The following PRKCA variants were observed in gnomAD, a reference collection of about 807,000 sequenced individuals.
PRKCA encodes the protein protein kinase C alpha type.
A neutral mutation model predicts 87.0 loss-of-function variants in PRKCA; 27 were observed. The ratio of observed to expected loss-of-function variants is 0.31; its 90% confidence interval spans 0.23 to 0.43. The LOEUF (loss-of-function observed/expected upper bound fraction) is 0.43, where lower values mean the gene tolerates loss of function less well. Among genes scored for constraint, PRKCA ranks in the 20% least tolerant of loss-of-function variants. The probability of loss-of-function intolerance (pLI) is 1.00; values close to 1 mark genes in which losing one functional copy is unlikely to be tolerated. For synonymous variants in PRKCA, 329 were observed against 311.1 expected (o/e 1.06, Z -0.61); for missense variants, 518 against 852.3 (o/e 0.61, Z 4.88).
At chr17:66,330,691 G>GA (rs35250973) in intron 2 of PRKCA, among the ~76,000 whole-genome samples, 56 of 152,020 alleles carry the variant, frequency 3.7e-4, no homozygotes, top group Non-Finnish European at 6.9e-4. Flanking sequence ...ATGACTGTAG[G>GA]AAAAAGGTAT....
chr17:66,545,933 T>C (rs1968133301), intron 3 of PRKCA, among the ~76,000 whole-genome samples: 1 of 152,254 alleles, frequency 6.6e-6, no homozygotes, highest in African/African-American at 2.4e-5. Context: ...TTAATTTTGC[T>C]CTGAAATTTA....
chr17:66,499,398 G>C (rs1308929720), intron 3 of PRKCA, among the ~76,000 whole-genome samples: 1 of 152,152 alleles, frequency 6.6e-6, no homozygotes, highest in Non-Finnish European at 1.5e-5. Flanking sequence ...CTCTGTGTTT[G>C]TTATGAATTC....
At chr17:66,405,407 A>T (rs1555599276) in intron 2 of PRKCA, among the ~76,000 whole-genome samples, 1 of 152,122 alleles carries the variant, frequency 6.6e-6, no homozygotes, top group Non-Finnish European at 1.5e-5. Flanking sequence ...CCTCAGACTA[A>T]TCCACGGGCT....
chr17:66,793,564 T>G (rs569445810), intron 16 of PRKCA, among the ~76,000 whole-genome samples: 1 of 115,156 alleles, frequency 8.7e-6, no homozygotes, highest in Non-Finnish European at 1.6e-5. Flanking sequence ...CACTACAGCC[T>G]GGGCGACAAG....
At chr17:66,666,828 TCC>T (rs1045330057) in intron 5 of PRKCA, among the ~76,000 whole-genome samples, 1 of 151,458 alleles carries the variant, frequency 6.6e-6, no homozygotes, top group Admixed American at 6.6e-5. Flanking sequence ...ACCCTTTGAA[TCC>T]CCCCCCCACA....
chr17:66,552,663 C>T (rs1052207859), intron 3 of PRKCA, among the ~76,000 whole-genome samples: 3 of 152,198 alleles, frequency 2.0e-5, no homozygotes, highest in Non-Finnish European at 4.4e-5. Flanking sequence ...GAGAGAACTA[C>T]CAGCAAGATC....
At chr17:66,777,811 G>A in intron 14 of PRKCA, 1 of 985,402 alleles carries the variant, frequency 1.0e-6, no homozygotes. Context: ...GAGGTCACGT[G>A]AGTAGACTCT....
intron 2 of PRKCA, among the ~76,000 whole-genome samples, chr17:66,374,104 G>A (rs1909271860): frequency 6.6e-6 from 1 of 152,090 alleles, no homozygotes; most frequent in African/African-American, 2.4e-5. Context: ...AGGGAGGATG[G>A]GCCAGGGAGG....
intron 3 of PRKCA, among the ~76,000 whole-genome samples, chr17:66,617,897 G>A (rs1165496096): frequency 2.0e-5 from 3 of 152,168 alleles, no homozygotes; most frequent in Non-Finnish European, 4.4e-5. Flanking sequence ...AGAGGCAGCA[G>A]GCTAATTTCT....
At chr17:66,561,482 AT>A (rs1968676810) in intron 3 of PRKCA, among the ~76,000 whole-genome samples, 2 of 152,304 alleles carry the variant, frequency 1.3e-5, no homozygotes, top group African/African-American at 2.4e-5. Flanking sequence ...TTATGTTGTC[AT>A]TCAGCGTGTG....
At position 66,463,109 on chromosome 17, in the gene PRKCA, C is replaced by T. The variant is rs550257269; in HGVS notation, c.206-33092C>T. 2.0e-5 allele frequency among the ~76,000 whole-genome samples: 3 copies of T among 152,292 alleles called. No homozygotes were observed. The South Asian group carries it at 6.2e-4, about 32-fold the overall frequency. ...ACTCTCCTGTGGCAGCCTTAGGGCT[C>T]TTGAGGTATATGTGCGCTCTTAGTC... On this transcript the variant is annotated intron_variant, in intron 2 of 16. Coordinates refer to ENST00000413366, the MANE Select transcript of PRKCA (RefSeq NM_002737.3).
chr17:66,379,510 T>C (rs1909665356), intron 2 of PRKCA, among the ~76,000 whole-genome samples: 1 of 152,258 alleles, frequency 6.6e-6, no homozygotes, highest in African/African-American at 2.4e-5. Flanking sequence ...CTTTATCAGG[T>C]ACAGGATTTG....
intron 2 of PRKCA, among the ~76,000 whole-genome samples, chr17:66,342,868 C>T (rs1907130371): frequency 6.6e-6 from 1 of 151,978 alleles, no homozygotes; most frequent in African/African-American, 2.4e-5. Context: ...GAACATGTTC[C>T]CATTTTCATA....
chr17:66,587,835 A>G (rs1265972395), intron 3 of PRKCA, among the ~76,000 whole-genome samples: 4 of 129,950 alleles, frequency 3.1e-5, no homozygotes, highest in East Asian at 4.2e-4. Context: ...ATATACGTAT[A>G]TGTGTGTATC....
intron 2 of PRKCA, chr17:66,416,623 C>T (rs1912167345): frequency 6.6e-6 from 1 of 152,188 alleles, no homozygotes; most frequent in African/African-American, 2.4e-5. Context: ...CCAATAGTCT[C>T]AAGCGGGTGC....
chr17:66,461,901 G>A (rs1914871263), intron 2 of PRKCA, among the ~76,000 whole-genome samples: 1 of 151,854 alleles, frequency 6.6e-6, no homozygotes, highest in African/African-American at 2.4e-5. Context: ...TAACTACCGA[G>A]GAGGAGACTG....
At chr17:66,339,019 G>A (rs1906876437) in intron 2 of PRKCA, among the ~76,000 whole-genome samples, 2 of 152,120 alleles carry the variant, frequency 1.3e-5, no homozygotes, top group Non-Finnish European at 2.9e-5. Context: ...GAGTCCTTGT[G>A]TCTATATTGA....
In PRKCA at chr17:66,627,670, C is replaced by CG. The variant is rs201060923; in HGVS notation, c.289-13685_289-13684insG. The stretch of plus-strand genomic sequence containing the variant: ...TATAAAACCGAATCCAGTGGATCAA[C>CG]TAAAACTAAGTGCCAAAGAGGCCAA... On this transcript the variant is annotated intron_variant, in intron 3 of 16. Coordinates refer to ENST00000413366, the MANE Select transcript of PRKCA (RefSeq NM_002737.3). Among the ~76,000 whole-genome samples, 818 of 152,286 alleles carry CG rather than the reference C, an allele frequency of 5.4e-3. 9 individuals are homozygous for CG. Among genetic ancestry groups the CG allele is most frequent in the African/African-American group, 0.016 (680 of 41,552 alleles).
At chr17:66,386,445 C>T (rs758427258) in intron 2 of PRKCA, among the ~76,000 whole-genome samples, 2 of 152,150 alleles carry the variant, frequency 1.3e-5, no homozygotes, top group Non-Finnish European at 2.9e-5. Flanking sequence ...GTTGCCAGTT[C>T]GTCGACTCTG....
Sources: gnomAD v4.1 joint callset for allele counts (sites outside exome capture counted in the v4.1 genomes callset) on GRCh38, gnomAD v4.1.1 for gene constraint, MANE v1.5 for transcripts, NCBI Gene and HGNC (gene_info 2026-07-23, HGNC 2026-07-21) for gene names.